CDK14: variants seen among roughly 807,000 people sequenced by gnomAD.
The protein encoded by CDK14 is cyclin-dependent kinase 14.
Under a neutral mutation model 60.7 loss-of-function variants are expected in CDK14, and 34 were observed. That is an observed-to-expected ratio of 0.56 (90% CI 0.43 to 0.75). The LOEUF is 0.75. CDK14 is among the 30% of genes least tolerant of loss of function. The pLI is 0.00. For missense variants in CDK14, 482 were observed against 564.1 expected, an observed-to-expected ratio of 0.85 and a Z score of 1.47; for synonymous variants, 197 against 203.7, an observed-to-expected ratio of 0.97 and a Z score of 0.28.
At chr7:90,744,994 C>G (rs1446749346) in intron 3 of CDK14, among the ~76,000 whole-genome samples, 1 of 152,208 alleles carries the variant, frequency 6.6e-6, no homozygotes, top group Non-Finnish European at 1.5e-5. Flanking sequence ...CCCTCTTCCT[C>G]TTTCATTGCA....
chr7:90,921,672 G>A (rs970661274), intron 8 of CDK14, among the ~76,000 whole-genome samples: 1 of 152,154 alleles, frequency 6.6e-6, no homozygotes, highest in Non-Finnish European at 1.5e-5. Context: ...AAGTTGCCCC[G>A]AGAATGAGAG....
Position 91,068,238 on chromosome 7 carries a change from A to C in CDK14, c.1106-11194A>C, listed in dbSNP as rs1441035460. ...AATTAGACATTCCTTTGAAACAAAT[A>C]AATACACATTTGTTGGTAAGCCCTT... On this transcript the variant is annotated intron_variant, in intron 11 of 14. Coordinates refer to ENST00000380050, the MANE Select transcript of CDK14 (RefSeq NM_001287135.2). 2.0e-5 allele frequency among the ~76,000 whole-genome samples: 3 copies of C among 152,232 alleles called. No homozygotes were observed. The South Asian group carries it at 6.2e-4, about 32-fold the overall frequency.
chr7:90,925,520 AT>A lies in CDK14; in HGVS notation c.826+7798del, dbSNP rs550169493. On this transcript the variant is annotated intron_variant, in intron 8 of 14. Transcript: ENST00000380050. ...TAAGGTCTCAACATGCTTAAAATAA[AT>A]TGAGAGCATATTGTTATAAGAATCA... 1.8e-3 allele frequency among the ~76,000 whole-genome samples: 281 copies of A among 152,304 alleles called. 1 individual carries two copies. Among genetic ancestry groups the A allele is most frequent in the African/African-American group, 6.6e-3 (273 of 41,554 alleles).
intron 2 of CDK14, among the ~76,000 whole-genome samples, chr7:90,680,019 G>T (rs1162378212): frequency 6.6e-6 from 1 of 151,626 alleles, no homozygotes. Context: ...AGTATAAGGC[G>T]GTTATAATAG....
intron 14 of CDK14, among the ~76,000 whole-genome samples, chr7:91,146,098 A>G (rs1051550231): frequency 5.9e-5 from 9 of 152,212 alleles, no homozygotes; most frequent in African/African-American, 1.7e-4. Flanking sequence ...GATAAAGCAT[A>G]TGTAGAAAAA....
chr7:90,794,327 T>A (rs1352223733), intron 5 of CDK14, among the ~76,000 whole-genome samples: 1 of 152,122 alleles, frequency 6.6e-6, no homozygotes, highest in African/African-American at 2.4e-5. Flanking sequence ...CAGGAGACAG[T>A]GTCGGGGAGC....
intron 3 of CDK14, among the ~76,000 whole-genome samples, chr7:90,746,379 G>A (rs934401230): frequency 9.2e-5 from 14 of 152,270 alleles, no homozygotes; most frequent in African/African-American, 3.4e-4. Context: ...CCCACATATT[G>A]TGTGTTTTTT....
intron 3 of CDK14, among the ~76,000 whole-genome samples, chr7:90,740,484 A>C (rs1044105872): frequency 1.3e-5 from 2 of 152,074 alleles, no homozygotes; most frequent in Admixed American, 6.6e-5. Context: ...GTGTCCTTGC[A>C]AGAAGTGTAG....
At chr7:91,091,885 T>C (rs1267872822) in intron 12 of CDK14, among the ~76,000 whole-genome samples, 1 of 152,108 alleles carries the variant, frequency 6.6e-6, no homozygotes, top group Non-Finnish European at 1.5e-5. Context: ...TCCTACATTA[T>C]GCCGATATTG....
At position 90,663,148 on chromosome 7, in the gene CDK14, C is replaced by T. The variant is rs906984710; in HGVS notation, c.123+58899C>T. Among the ~76,000 whole-genome samples, 3 of 151,696 alleles carry T rather than the reference C, an allele frequency of 2.0e-5. No homozygotes were observed. In the South Asian group the frequency reaches 6.3e-4, roughly 32 times the overall value. ...CACACACACACGTAGAGTTCTGTTA[C>T]CTCCATGTAGGCCACCCCCTTCTTT... On this transcript the variant is annotated intron_variant, in intron 2 of 14. Transcript: ENST00000380050.
intron 12 of CDK14, among the ~76,000 whole-genome samples, chr7:91,098,816 A>T (rs1799081962): frequency 1.3e-5 from 2 of 152,164 alleles, no homozygotes; most frequent in Non-Finnish European, 2.9e-5. Context: ...TTCTTCCTGT[A>T]GGAGTCAGAC....
intron 2 of CDK14, among the ~76,000 whole-genome samples, chr7:90,649,584 A>G (rs1800581586): frequency 6.7e-6 from 1 of 150,356 alleles, no homozygotes; most frequent in South Asian, 2.1e-4. Context: ...TACATTAGGT[A>G]TTTCTCCTAA....
At chr7:91,031,997 T>A (rs1796775140) in intron 10 of CDK14, among the ~76,000 whole-genome samples, 1 of 152,090 alleles carries the variant, frequency 6.6e-6, no homozygotes, top group Admixed American at 6.5e-5. Flanking sequence ...TCTTTGTGAG[T>A]CAATCGAGAT....
At chr7:90,607,555 A>T (rs1409678795) in intron 2 of CDK14, among the ~76,000 whole-genome samples, 2 of 152,234 alleles carry the variant, frequency 1.3e-5, no homozygotes, top group East Asian at 1.9e-4. Context: ...ATTTCAGTCT[A>T]ATCTGCTAAT....
chr7:90,966,380 G>T (rs17400329), intron 9 of CDK14, among the ~76,000 whole-genome samples: 6,181 of 152,042 alleles, frequency 0.041, 154 homozygotes, highest in South Asian at 0.071. Flanking sequence ...CCAATTAACC[G>T]GTCAGTTCAT....
At chr7:91,050,845 A>C (rs1175875839) in intron 11 of CDK14, among the ~76,000 whole-genome samples, 1 of 152,150 alleles carries the variant, frequency 6.6e-6, no homozygotes, top group Non-Finnish European at 1.5e-5. Flanking sequence ...TAAAAGAGGG[A>C]GCGAAAGAGA....
At chr7:91,114,087 C>T (rs888430135) in intron 13 of CDK14, among the ~76,000 whole-genome samples, 3 of 152,212 alleles carry the variant, frequency 2.0e-5, no homozygotes, top group East Asian at 1.9e-4. Context: ...TAAATAGGCT[C>T]ACTAGTTTAC....
rs970783416 is a variant in CDK14, at chr7:90,736,553, G to T, written c.369+9741G>T. ...AGACACGGGTGTTATTTTTAACAAT[G>T]CTTAGAGGATGTAACAATGACTGAT... On this transcript the variant is annotated intron_variant, in intron 3 of 14. Transcript: ENST00000380050. Among the ~76,000 whole-genome samples, 2 of 151,780 alleles carry T rather than the reference G, an allele frequency of 1.3e-5. 1 individual carries two copies. Among genetic ancestry groups the T allele is most frequent in the Admixed American group, 1.3e-4 (2 of 15,238 alleles).
At chr7:90,689,498 A>T (rs1455054944) in intron 2 of CDK14, among the ~76,000 whole-genome samples, 1 of 152,076 alleles carries the variant, frequency 6.6e-6, no homozygotes, top group Non-Finnish European at 1.5e-5. Context: ...TGAAAATGAA[A>T]ATGTTTAATT....
Sources: allele counts gnomAD v4.1 joint callset (sites outside exome capture counted in the v4.1 genomes callset), GRCh38; gene constraint gnomAD v4.1.1; transcripts MANE v1.5; gene names NCBI Gene and HGNC (gene_info 2026-07-23, HGNC 2026-07-21).